The following TMEM51 variants were observed in gnomAD, a reference collection of about 807,000 sequenced individuals.
TMEM51 encodes chromosome 1 open reading frame 72.
TMEM51 carries 8 observed loss-of-function variants against 13.6 expected under a neutral mutation model. That is an observed-to-expected ratio of 0.59 (90% CI 0.35 to 1.07). The LOEUF is 1.07. TMEM51 is among the 50% of genes least tolerant of loss of function. The pLI is 0.02. For missense variants in TMEM51, 279 were observed against 330.7 expected, an observed-to-expected ratio of 0.84 and a Z score of 1.21; for synonymous variants, 147 against 144.4, an observed-to-expected ratio of 1.02 and a Z score of -0.13.
chr1:15,154,143 G>A (rs963405778), intron 1 of TMEM51, among the ~76,000 whole-genome samples, 189 bp downstream of exon 1: 1 of 151,990 alleles, frequency 6.6e-6, no homozygotes, highest in East Asian at 2.0e-4. Flanking sequence ...GCCGCGCCCC[G>A]CCGGCGCGGG....
intron 1 of TMEM51, among the ~76,000 whole-genome samples, chr1:15,173,377 G>A (rs752434151): frequency 1.3e-5 from 2 of 151,768 alleles, no homozygotes; most frequent in African/African-American, 4.8e-5. Context: ...ACACTACCAC[G>A]CCCAGCTAAT....
At chr1:15,189,656 C>T (rs1483493155) in intron 1 of TMEM51, among the ~76,000 whole-genome samples, 1 of 152,184 alleles carries the variant, frequency 6.6e-6, no homozygotes, top group South Asian at 2.1e-4. Flanking sequence ...TGGTTATGAG[C>T]CTGTGATCTC....
chr1:15,219,453 C>G lies in TMEM51; in HGVS notation c.472C>G (p.Leu158Val). Residue 158 changes from leucine (L) to valine (V), a missense_variant, in exon 4 of 4, where the codon CTC (leucine) becomes GTC (valine). By Grantham distance (32) the Leu-to-Val change is conservative. Coordinates refer to ENST00000376008, the MANE Select transcript of TMEM51 (RefSeq NM_001136218.2). Reference protein sequence around the residue: ...EEQNPRLSISLPSYESLTGLD... With the variant: ...EEQNPRLSISVPSYESLTGLD... ...GCAGAACCCGAGGTTGAGCATCTCT[C>G]TCCCGTCCTATGAGTCACTGACGGG... is the stretch of plus-strand genomic sequence containing the variant. The G allele has an allele frequency of 1.9e-6, 3 of 1,614,194 alleles. No individual in the cohort carries two copies. Among genetic ancestry groups the G allele is most frequent in the South Asian group, 1.1e-5 (1 of 91,084 alleles).
At chr1:15,191,560 G>C (rs768935946) in intron 1 of TMEM51, among the ~76,000 whole-genome samples, 1 of 152,178 alleles carries the variant, frequency 6.6e-6, no homozygotes, top group African/African-American at 2.4e-5. Flanking sequence ...TCCCATGCTA[G>C]AGGCACAGAC....
chr1:15,192,306 G>C (rs1284135256), intron 1 of TMEM51: 5 of 366,392 alleles, frequency 1.4e-5, no homozygotes, highest in Non-Finnish European at 2.7e-5. Context: ...GGATCTACTG[G>C]TCTTGAAAGT....
chr1:15,197,054 G>T (rs1336136866), intron 1 of TMEM51, among the ~76,000 whole-genome samples: 5 of 152,200 alleles, frequency 3.3e-5, no homozygotes, highest in Non-Finnish European at 5.9e-5. Context: ...GCTTTTTGCT[G>T]TGTTCATTCA....
chr1:15,192,988 C>T (rs1643963116), intron 1 of TMEM51: 2 of 152,376 alleles, frequency 1.3e-5, no homozygotes, highest in African/African-American at 4.8e-5. Context: ...CTTTTGTCCC[C>T]CTGGGCCCAC....
In TMEM51 at chr1:15,215,144, G is replaced by A. The variant is rs41310380; in HGVS notation, c.57G>A (p.Leu19=). 13,664 of 1,614,124 alleles carry A rather than the reference G, an allele frequency of 8.5e-3. 69 individuals are homozygous for A. Among genetic ancestry groups the A allele is most frequent in the Non-Finnish European group, 0.01 (12,003 of 1,180,050 alleles). The change falls in exon 3 of 4, where the codon CTG becomes CTA. Residue 19 remains leucine, a synonymous_variant. Coordinates refer to ENST00000376008, the MANE Select transcript of TMEM51 (RefSeq NM_001136218.2). The stretch of plus-strand genomic sequence containing the variant: ...ACTATGCGCTGACCGCCATCGGCCT[G>A]GGGATGCTGGTCCTTGGGGTGATCA... ...GSHYALTAIG[L]GMLVLGVIMA...
At chr1:15,162,937 T>C (rs1036945872) in intron 1 of TMEM51, among the ~76,000 whole-genome samples, 1 of 151,958 alleles carries the variant, frequency 6.6e-6, no homozygotes, top group Admixed American at 6.5e-5. Context: ...TGCATGATGG[T>C]GATGGTTGCA....
intron 1 of TMEM51, among the ~76,000 whole-genome samples, chr1:15,159,124 G>T (rs1176264017): frequency 6.6e-6 from 1 of 152,308 alleles, no homozygotes; most frequent in Middle Eastern, 3.4e-3. Flanking sequence ...CCGACAGGAA[G>T]GAAGCTCGGC....
chr1:15,174,041 C>G (rs1281395472), intron 1 of TMEM51, among the ~76,000 whole-genome samples: 1 of 152,076 alleles, frequency 6.6e-6, no homozygotes, highest in African/African-American at 2.4e-5. Context: ...CCACAGCAAG[C>G]GAAAGCAGCA....
At chr1:15,173,676 TAAA>T (rs55954313) in intron 1 of TMEM51, among the ~76,000 whole-genome samples, 6 of 145,304 alleles carry the variant, frequency 4.1e-5, no homozygotes, top group African/African-American at 7.7e-5. Flanking sequence ...AAACTCCATC[TAAA>T]AAAAAAAAAA....
rs1018485288 is a variant in TMEM51, at chr1:15,178,041, G to A, written c.-267+24087G>A. 3.3e-5 allele frequency among the ~76,000 whole-genome samples: 5 copies of A among 152,188 alleles called. No homozygotes were observed. The South Asian group carries it at 6.2e-4, about 19-fold the overall frequency. On this transcript the variant is annotated intron_variant, in intron 1 of 3. Coordinates refer to ENST00000376008, the MANE Select transcript of TMEM51 (RefSeq NM_001136218.2). ...GAAGGAAGTAACACAGCTGGGAGTCGAACCTAGAACCAGAACCTTTGACCC... is the reference window on the plus strand; with the variant it reads ...GAAGGAAGTAACACAGCTGGGAGTCAAACCTAGAACCAGAACCTTTGACCC...
rs1044119849 is a variant in TMEM51 at position 15,160,611 on chromosome 1, T to C, written c.-267+6657T>C. Among the ~76,000 whole-genome samples the C allele has an allele frequency of 1.7e-4, 26 of 152,032 alleles. 1 individual carries two copies. Among genetic ancestry groups the C allele is most frequent in the African/African-American group, 6.1e-4 (25 of 41,304 alleles). On this transcript the variant is annotated intron_variant, in intron 1 of 3. Transcript: ENST00000376008. ...TAAAAAACAAAACAAACACTCAAACTTTCTTAAGTTACCATAAGAGGCCTC... is the reference window on the plus strand; with the variant it reads ...TAAAAAACAAAACAAACACTCAAACCTTCTTAAGTTACCATAAGAGGCCTC...
chr1:15,184,974 G>T (rs1261921740), intron 1 of TMEM51, among the ~76,000 whole-genome samples: 1 of 152,092 alleles, frequency 6.6e-6, no homozygotes, highest in African/African-American at 2.4e-5. Flanking sequence ...CAGTATGTCA[G>T]TGGAGCCAGG....
At chr1:15,216,218 T>C (rs1644430913) in intron 3 of TMEM51, among the ~76,000 whole-genome samples, 1 of 152,172 alleles carries the variant, frequency 6.6e-6, no homozygotes, top group African/African-American at 2.4e-5. Flanking sequence ...TTGAAATGGC[T>C]GGGAAGCAAT....
intron 1 of TMEM51, among the ~76,000 whole-genome samples, chr1:15,198,238 C>A (rs771218651): frequency 2.4e-4 from 36 of 152,066 alleles, no homozygotes; most frequent in Non-Finnish European, 4.6e-4. Context: ...TGCCCCACCC[C>A]CTATACACAC....
chr1:15,170,375 A>C (rs1477570877), intron 1 of TMEM51, among the ~76,000 whole-genome samples: 1 of 139,262 alleles, frequency 7.2e-6, no homozygotes, highest in East Asian at 2.1e-4. Context: ...TTTTTTTGAG[A>C]TGGAGTCACT....
At chr1:15,202,587 T>G (rs1483760167) in intron 1 of TMEM51, among the ~76,000 whole-genome samples, 1 of 152,102 alleles carries the variant, frequency 6.6e-6, no homozygotes, top group Non-Finnish European at 1.5e-5. Context: ...CTTGTGACTC[T>G]CTCCTCACAT....
Sources: allele counts gnomAD v4.1 joint callset (sites outside exome capture counted in the v4.1 genomes callset), GRCh38; gene constraint gnomAD v4.1.1; transcripts MANE v1.5; gene names NCBI Gene and HGNC (gene_info 2026-07-23, HGNC 2026-07-21).